UBE4B: variants seen among roughly 807,000 people sequenced by gnomAD.
The protein encoded by UBE4B is ubiquitination factor E4B.
In UBE4B, 27 loss-of-function variants were observed where a neutral mutation model predicts 148.1. The observed-to-expected ratio is 0.18, with a 90% CI of 0.13 to 0.25. The LOEUF (loss-of-function observed/expected upper bound fraction) is 0.25. Ranked by LOEUF, UBE4B falls within the 10% of genes least tolerant of loss-of-function variation. The pLI is 1.00. For missense variants in UBE4B, 1,170 were observed against 1,662.4 expected (o/e 0.70, Z 5.15); for synonymous variants, 596 against 619.3 (o/e 0.96, Z 0.56).
chr1:10,094,496 C>T (rs1395789515), intron 2 of UBE4B, among the ~76,000 whole-genome samples: 1 of 150,622 alleles, frequency 6.6e-6, no homozygotes, highest in East Asian at 2.0e-4. Flanking sequence ...TGCAATGGCG[C>T]AATCTTGGCT....
intron 25 of UBE4B, among the ~76,000 whole-genome samples, chr1:10,177,121 A>T (rs143556411): frequency 6.6e-6 from 1 of 152,068 alleles, no homozygotes; most frequent in Non-Finnish European, 1.5e-5. Flanking sequence ...ATGCTAGGTC[A>T]TATCAGATGA....
chr1:10,148,143 C>T (rs1358429873), intron 19 of UBE4B, among the ~76,000 whole-genome samples: 5 of 150,660 alleles, frequency 3.3e-5, no homozygotes, highest in Non-Finnish European at 5.9e-5. Flanking sequence ...AGGAGAATGG[C>T]GTGAACCTGG....
chr1:10,097,052 AAAT>A (rs1553143704), intron 3 of UBE4B, among the ~76,000 whole-genome samples: 7 of 138,534 alleles, frequency 5.1e-5, no homozygotes, highest in South Asian at 2.3e-4. Context: ...AAAAAAAAAA[AAAT>A]AATAATAATA....
At chr1:10,052,683 A>G (rs550057390) in intron 1 of UBE4B, among the ~76,000 whole-genome samples, 38 of 152,296 alleles carry the variant, frequency 2.5e-4, no homozygotes, top group African/African-American at 7.9e-4. Context: ...TTCATTTGTC[A>G]TGGGGCCCTG....
rs1645119126 is a variant in UBE4B at position 10,106,754 on chromosome 1, C to T, written c.1196+171C>T. ...CACGTACTCTGAGTCCATGCTTCTG[C>T]CAGGCTCTAATCATGCTGGAAAGTT... On this transcript the variant is annotated intron_variant, in intron 7 of 27. Transcript: ENST00000343090. The surrounding 1 kb of genome is among the most constrained non-coding windows in gnomAD (Gnocchi z 4.2). 6.6e-6 allele frequency among the ~76,000 whole-genome samples: 1 copy of T among 152,172 alleles called. No individual in the cohort carries two copies. The highest frequency in any genetic ancestry group is 1.9e-4 in the East Asian group (1 of 5,206).
intron 1 of UBE4B, among the ~76,000 whole-genome samples, chr1:10,040,609 T>G (rs1263739875): frequency 6.6e-6 from 1 of 150,772 alleles, no homozygotes; most frequent in East Asian, 1.9e-4. Context: ...CTCCATTTCT[T>G]TCTTCTTTTT....
At chr1:10,142,977 G>T (rs889858300) in intron 17 of UBE4B, among the ~76,000 whole-genome samples, 1 of 151,876 alleles carries the variant, frequency 6.6e-6, no homozygotes, top group African/African-American at 2.4e-5. Flanking sequence ...GCATGGTAAC[G>T]CACCCCTGTA....
At position 10,149,165 on chromosome 1, in the gene UBE4B, CT is replaced by C. The variant is rs144415688; in HGVS notation, c.2592-12del. 5.2e-6 allele frequency: 8 copies of C among 1,538,140 alleles called. No homozygotes were observed. The highest frequency in any genetic ancestry group is 7.0e-6 in the Non-Finnish European group (8 of 1,140,856). On this transcript the variant is annotated intron_variant, in intron 19 of 27. Coordinates refer to ENST00000343090, the MANE Select transcript of UBE4B (RefSeq NM_001105562.3). Reference sequence around the variant, plus strand: ...CCATAATTTCATTTAATAAATTGTCCTTTTTTTCTCTTTGACAGTATAACAC... The same window carrying C: ...CCATAATTTCATTTAATAAATTGTCCTTTTTTCTCTTTGACAGTATAACAC...
rs1643351998 is a variant in UBE4B, at chr1:10,032,959, C to G, written c.-712C>G. 1 of 152,258 alleles carries G rather than the reference C, an allele frequency of 6.6e-6. No individual in the cohort carries two copies. Among genetic ancestry groups the G allele is most frequent in the Non-Finnish European group, 1.5e-5 (1 of 68,078 alleles). 9.4% of individuals were successfully genotyped at this position (152,258 alleles called of 1,614,324 possible). On this transcript the variant is annotated 5_prime_UTR_variant, in exon 1 of 28. Transcript: ENST00000343090. ...CCTCCCTGACGGGGGTCACGTGATC[C>G]CTTTCAAAGATGGCCGCCCTGTTGT...
intron 22 of UBE4B, among the ~76,000 whole-genome samples, chr1:10,160,375 G>A (rs1003322267): frequency 6.6e-6 from 1 of 152,120 alleles, no homozygotes; most frequent in Non-Finnish European, 1.5e-5. Context: ...GAGTATATGC[G>A]TTTTTCCTGT....
chr1:10,162,065 C>T (rs1057455609), intron 23 of UBE4B, among the ~76,000 whole-genome samples: 1 of 149,910 alleles, frequency 6.7e-6, no homozygotes, highest in Non-Finnish European at 1.5e-5. Flanking sequence ...GTGGTGCGAT[C>T]TCTTCTCACT....
chr1:10,135,639 G>A (rs1282546874), intron 16 of UBE4B, among the ~76,000 whole-genome samples: 1 of 151,674 alleles, frequency 6.6e-6, no homozygotes, highest in Non-Finnish European at 1.5e-5. Context: ...AGGAGGCTGA[G>A]GCAGGAGAAT....
chr1:10,136,026 A>G (rs1645676771), intron 16 of UBE4B, among the ~76,000 whole-genome samples: 1 of 152,192 alleles, frequency 6.6e-6, no homozygotes, highest in Admixed American at 6.5e-5. Flanking sequence ...TATTTATAAT[A>G]GAAAAAAATT....
At position 10,157,763 on chromosome 1, in the gene UBE4B, G is replaced by A. The variant is rs188627620; in HGVS notation, c.2927-593G>A. Among the ~76,000 whole-genome samples, 11 of 152,050 alleles carry A rather than the reference G, an allele frequency of 7.2e-5. No individual in the cohort carries two copies. In the East Asian group the frequency reaches 1.5e-3, roughly 21 times the overall value. On this transcript the variant is annotated intron_variant, in intron 21 of 27. Transcript: ENST00000343090. ...CTGCACTCCAGCCTGGCGACAGAGC[G>A]GGACTCTGTCTCAAAAATAATAATA...
chr1:10,158,529 C>T (rs1646109780), intron 22 of UBE4B, 47 bp downstream of exon 22: 6 of 1,598,386 alleles, frequency 3.8e-6, no homozygotes, highest in African/African-American at 2.7e-5. Context: ...TTGCAAATCG[C>T]AGGTAGGATT....
At chr1:10,139,392 A>G (rs1020912683) in intron 17 of UBE4B, among the ~76,000 whole-genome samples, 2 of 151,886 alleles carry the variant, frequency 1.3e-5, no homozygotes, top group Non-Finnish European at 2.9e-5. Flanking sequence ...CTGTCTCAAC[A>G]AAAGAAAAAA....
At chr1:10,066,110 T>A (rs1644383761) in intron 1 of UBE4B, among the ~76,000 whole-genome samples, 1 of 130,716 alleles carries the variant, frequency 7.7e-6, no homozygotes. Flanking sequence ...TGTACCTCCC[T>A]CCCTCTCTCC....
At chr1:10,147,914 G>T (rs1302138013) in intron 19 of UBE4B, among the ~76,000 whole-genome samples, 1 of 152,168 alleles carries the variant, frequency 6.6e-6, no homozygotes, top group Non-Finnish European at 1.5e-5. Context: ...ACCCGTGAAG[G>T]CGTGGAAAAT....
chr1:10,037,141 C>T (rs1472597671), intron 1 of UBE4B, among the ~76,000 whole-genome samples: 2 of 152,118 alleles, frequency 1.3e-5, no homozygotes, highest in Admixed American at 6.5e-5. Context: ...GATTTTCCTG[C>T]GTCAGCCTCC....
Sources: gnomAD v4.1 joint callset for allele counts (sites outside exome capture counted in the v4.1 genomes callset) on GRCh38, gnomAD v4.1.1 for gene constraint, Gnocchi (gnomAD v3.1) non-coding constraint, MANE v1.5 for transcripts, NCBI Gene and HGNC (gene_info 2026-07-23, HGNC 2026-07-21) for gene names.